Variants in BCKDHB observed in about 807,000 individuals in gnomAD.
The protein encoded by BCKDHB is 2-oxoisovalerate dehydrogenase subunit beta, mitochondrial.
BCKDHB carries 41 observed loss-of-function variants against 48.5 expected under a neutral mutation model. The ratio of observed to expected loss-of-function variants is 0.85; its 90% CI spans 0.66 to 1.10. The LOEUF is 1.10. Ranked by LOEUF, BCKDHB falls within the 50% of genes least tolerant of loss-of-function variation. The probability of loss-of-function intolerance (pLI) is 0.00; values close to 1 mark genes in which losing one functional copy is unlikely to be tolerated. For synonymous variants in BCKDHB, 201 were observed against 174.8 expected (o/e 1.15, Z -1.18); for missense variants, 496 against 494.2 (o/e 1.00, Z -0.03).
intron 9 of BCKDHB, among the ~76,000 whole-genome samples, chr6:80,311,331 A>G (rs1350415104): frequency 4.6e-5 from 7 of 152,152 alleles, no homozygotes; most frequent in Admixed American, 3.9e-4. Flanking sequence ...TTTATGAGCA[A>G]TGGGAAAACG....
chr6:80,275,860 T>C (rs1777950001), intron 9 of BCKDHB, among the ~76,000 whole-genome samples: 1 of 151,976 alleles, frequency 6.6e-6, no homozygotes, highest in Admixed American at 6.6e-5. Context: ...TGCCTTGGGT[T>C]GTTTAAACTG....
chr6:80,264,532 A>G (rs548457800), intron 8 of BCKDHB, among the ~76,000 whole-genome samples: 3 of 152,090 alleles, frequency 2.0e-5, no homozygotes, highest in Admixed American at 6.6e-5. Flanking sequence ...GTTACCATGT[A>G]TAAGTTTTCT....
chr6:80,312,537 A>G (rs984841746), intron 9 of BCKDHB, among the ~76,000 whole-genome samples: 5 of 152,174 alleles, frequency 3.3e-5, no homozygotes, highest in African/African-American at 1.2e-4. Flanking sequence ...GCTTTTGCCC[A>G]TTCAGTATGA....
intron 8 of BCKDHB, among the ~76,000 whole-genome samples, chr6:80,251,514 C>G (rs918504339): frequency 6.6e-6 from 1 of 152,148 alleles, no homozygotes; most frequent in Non-Finnish European, 1.5e-5. Flanking sequence ...CAGTCTGTCC[C>G]TGAAGGGGGT....
At chr6:80,355,661 A>G in the BCKDHB span, 1 of 152,058 alleles carries the variant, frequency 6.6e-6, no homozygotes, top group Non-Finnish European at 1.5e-5. Flanking sequence ...TTTTTAAAAA[A>G]AATCTGTCCC....
intron 1 of BCKDHB, among the ~76,000 whole-genome samples, chr6:80,107,306 A>T (rs1434573922): frequency 7.4e-6 from 1 of 135,172 alleles, no homozygotes; most frequent in African/African-American, 2.6e-5. Flanking sequence ...ATATATGTTT[A>T]TATATATATA....
chr6:80,280,461 A>G (rs1458378726), intron 9 of BCKDHB, among the ~76,000 whole-genome samples: 5 of 152,162 alleles, frequency 3.3e-5, no homozygotes, highest in African/African-American at 1.2e-4. Context: ...ACTGCAAAAC[A>G]ACATTTTGGT....
At chr6:80,417,170 C>T in the BCKDHB span, among the ~76,000 whole-genome samples, 212 of 152,152 alleles carry the variant, frequency 1.4e-3, no homozygotes, top group African/African-American at 5.1e-3. Context: ...AGGATTGCAA[C>T]TCCTTTTTTT....
chr6:80,211,742 A>G (rs1774943650), intron 8 of BCKDHB, among the ~76,000 whole-genome samples: 1 of 152,112 alleles, frequency 6.6e-6, no homozygotes, highest in Non-Finnish European at 1.5e-5. Flanking sequence ...TTCAACATAG[A>G]TTCTTTCTAT....
chr6:80,392,880 T>G, the BCKDHB span, among the ~76,000 whole-genome samples: 1 of 150,006 alleles, frequency 6.7e-6, no homozygotes, highest in Admixed American at 6.6e-5. Context: ...TTTTTTTTTT[T>G]TTGGCTAATT....
chr6:80,193,656 A>G (rs1774004014), intron 6 of BCKDHB, among the ~76,000 whole-genome samples: 2 of 148,098 alleles, frequency 1.4e-5, no homozygotes, highest in East Asian at 2.1e-4. Flanking sequence ...GGAGGTGGAG[A>G]TTGCAGTGAG....
chr6:80,246,270 T>C (rs1776608051), intron 8 of BCKDHB, among the ~76,000 whole-genome samples: 1 of 152,150 alleles, frequency 6.6e-6, no homozygotes, highest in African/African-American at 2.4e-5. Context: ...TGGGAAGCAT[T>C]GAGAGAAGGA....
the BCKDHB span, among the ~76,000 whole-genome samples, chr6:80,415,666 G>T: frequency 6.6e-6 from 1 of 152,004 alleles, no homozygotes; most frequent in Non-Finnish European, 1.5e-5. Context: ...TGCTGGATTC[G>T]CCAGGCCAGT....
At chr6:80,380,468 G>T in the BCKDHB span, among the ~76,000 whole-genome samples, 8 of 151,846 alleles carry the variant, frequency 5.3e-5, no homozygotes, top group East Asian at 9.7e-4. Context: ...CATAAGACTA[G>T]AAACTATAAA....
intron 3 of BCKDHB, among the ~76,000 whole-genome samples, chr6:80,160,373 G>A (rs1320101274): frequency 6.6e-6 from 1 of 152,120 alleles, no homozygotes; most frequent in Non-Finnish European, 1.5e-5. Context: ...GGCCAGGCTG[G>A]TTTCGAACTC....
At chr6:80,409,067 G>A in the BCKDHB span, among the ~76,000 whole-genome samples, 1 of 152,050 alleles carries the variant, frequency 6.6e-6, no homozygotes, top group African/African-American at 2.4e-5. Context: ...GTCCTGGTAT[G>A]TTGTGCCTTT....
chr6:80,426,596 G>A, the BCKDHB span, among the ~76,000 whole-genome samples: 21 of 152,064 alleles, frequency 1.4e-4, no homozygotes, highest in Non-Finnish European at 2.8e-4. Context: ...TTATTTGGAA[G>A]CAGCTTTTTA....
At chr6:80,203,592 T>G (rs1337507654) in intron 8 of BCKDHB, among the ~76,000 whole-genome samples, 1 of 152,028 alleles carries the variant, frequency 6.6e-6, no homozygotes, top group East Asian at 1.9e-4. Context: ...ATTAAGTGAT[T>G]TGGCTGAATT....
At chr6:80,377,713 A>G in the BCKDHB span, among the ~76,000 whole-genome samples, 2 of 152,220 alleles carry the variant, frequency 1.3e-5, no homozygotes, top group African/African-American at 4.8e-5. Context: ...TGCCAGTAAT[A>G]TAATGTTTTG....
Sources: gnomAD v4.1 joint callset for allele counts (sites outside exome capture counted in the v4.1 genomes callset) on GRCh38, gnomAD v4.1.1 for gene constraint, MANE v1.5 for transcripts, NCBI Gene and HGNC (gene_info 2026-07-23, HGNC 2026-07-21) for gene names.